Variants in STAM2 observed in about 807,000 individuals in gnomAD.
STAM2 encodes the protein signal transducing adaptor molecule 2, also known as signal transducing adapter molecule 2.
Under a neutral mutation model 65.6 loss-of-function variants are expected in STAM2, and 51 were observed. The ratio of observed to expected loss-of-function variants is 0.78; its 90% CI spans 0.62 to 0.98. The LOEUF (loss-of-function observed/expected upper bound fraction) is 0.98, where lower values mean the gene tolerates loss of function less well. Ranked by LOEUF, STAM2 falls within the 50% of genes least tolerant of loss-of-function variation. STAM2 has a pLI of 0.00. For synonymous variants in STAM2, 198 were observed against 208.4 expected, an observed-to-expected ratio of 0.95 and a Z score of 0.43; for missense variants, 584 against 617.8, an observed-to-expected ratio of 0.95 and a Z score of 0.58.
chr2:152,143,259 A>G (rs1225442477), intron 7 of STAM2, among the ~76,000 whole-genome samples: 3 of 152,238 alleles, frequency 2.0e-5, no homozygotes, highest in Non-Finnish European at 1.5e-5. Flanking sequence ...TACCAAATAC[A>G]TCTGCAATCT....
chr2:152,133,167 A>G lies in STAM2; in HGVS notation c.970+6T>C, dbSNP rs757609577. Reference sequence around the variant, plus strand: ...ATTAAAATAATATAAAATATTCACTAAGTACCTTCTAAATCCAAAAGGTCT... The same window carrying G: ...ATTAAAATAATATAAAATATTCACTGAGTACCTTCTAAATCCAAAAGGTCT... On this transcript the variant is annotated splice_donor_region_variant and intron_variant, in intron 10 of 13. Transcript: ENST00000263904. 2 of 1,444,608 alleles carry G rather than the reference A, an allele frequency of 1.4e-6. No individual in the cohort carries two copies. Among genetic ancestry groups the G allele is most frequent in the Admixed American group, 4.6e-5 (2 of 43,524 alleles). The allele number at this position is 1,444,608 out of a possible 1,614,324, so 89.5% of individuals were successfully genotyped here. A position where few individuals can be genotyped will look rare whatever the true frequency, so the allele number is the denominator to read the frequency against.
intron 1 of STAM2, among the ~76,000 whole-genome samples, chr2:152,170,104 T>G (rs1351878966): frequency 6.6e-6 from 1 of 150,938 alleles, no homozygotes; most frequent in Non-Finnish European, 1.5e-5. Flanking sequence ...CCCAAAGTGC[T>G]GGGATTACAG....
intron 7 of STAM2, among the ~76,000 whole-genome samples, chr2:152,142,765 A>T (rs1689271309): frequency 6.6e-6 from 1 of 152,330 alleles, no homozygotes; most frequent in African/African-American, 2.4e-5. Flanking sequence ...TTCCACTCCA[A>T]ATGATTATTT....
chr2:152,130,692 TAA>T (rs986121047), intron 11 of STAM2, among the ~76,000 whole-genome samples: 3 of 141,090 alleles, frequency 2.1e-5, no homozygotes, highest in Non-Finnish European at 3.1e-5. Context: ...ACCCTGTCTT[TAA>T]AAAAAAAAAA....
rs1250755529 is a variant in STAM2 at position 152,161,814 on chromosome 2, T to C, written c.41-11585A>G. On this transcript the variant is annotated intron_variant, in intron 1 of 13. Coordinates refer to ENST00000263904, the MANE Select transcript of STAM2 (RefSeq NM_005843.6). ...ATAGTTCTTAAAAATACATTCTGCA[T>C]ACCATTTTTTTTTCTTTTTTTTTTG... Among the ~76,000 whole-genome samples, 3 of 152,258 alleles carry C rather than the reference T, an allele frequency of 2.0e-5. No homozygotes were observed. The East Asian group carries it at 5.8e-4, about 29-fold the overall frequency.
intron 1 of STAM2, among the ~76,000 whole-genome samples, chr2:152,150,775 C>T (rs550741760): frequency 6.6e-6 from 1 of 152,328 alleles, no homozygotes; most frequent in South Asian, 2.1e-4. Flanking sequence ...TACCGCACTC[C>T]AGCCTGGATG....
At chr2:152,122,612 A>G (rs1024958352) in intron 13 of STAM2, among the ~76,000 whole-genome samples, 1 of 152,146 alleles carries the variant, frequency 6.6e-6, no homozygotes, top group Non-Finnish European at 1.5e-5. Flanking sequence ...ATATTCATAT[A>G]ATATCTAAAA....
rs377199033 is a variant in STAM2 at position 152,118,170 on chromosome 2, T to C, written c.*2404A>G. On this transcript the variant is annotated 3_prime_UTR_variant, in exon 14 of 14. Coordinates refer to ENST00000263904, the MANE Select transcript of STAM2 (RefSeq NM_005843.6). ...TATAAAACAGTAAGTATGAACCCAA[T>C]GTAGAAATCTGAAGTTAGACAATTC... is the stretch of plus-strand genomic sequence containing the variant. The C allele has an allele frequency of 3.9e-5, 6 of 152,062 alleles. No individual in the cohort carries two copies. The South Asian group carries it at 6.2e-4, about 16-fold the overall frequency. The allele number at this position is 152,062 out of a possible 1,614,324, so 9.4% of individuals were successfully genotyped here.
chr2:152,130,226 TCA>T (rs1560211284), intron 11 of STAM2, among the ~76,000 whole-genome samples: 1 of 152,054 alleles, frequency 6.6e-6, no homozygotes, highest in East Asian at 1.9e-4. Flanking sequence ...TCTACCCCCT[TCA>T]GTGTTGCTCC....
intron 1 of STAM2, among the ~76,000 whole-genome samples, chr2:152,150,599 G>A (rs1689425668): frequency 6.6e-6 from 1 of 152,120 alleles, no homozygotes; most frequent in Non-Finnish European, 1.5e-5. Context: ...CCAGGAGTTC[G>A]AGACCAGCCT....
intron 1 of STAM2, among the ~76,000 whole-genome samples, 159 bp downstream of exon 1, chr2:152,175,444 C>A (rs1689997093): frequency 1.3e-5 from 2 of 152,192 alleles, no homozygotes; most frequent in African/African-American, 4.8e-5. Flanking sequence ...CGAGGTTGCC[C>A]CAGAAAAATC....
rs555491553 is a variant in STAM2 at position 152,166,506 on chromosome 2, C to T, written c.40+9097G>A. Among the ~76,000 whole-genome samples the T allele has an allele frequency of 3.3e-5, 5 of 152,258 alleles. 1 individual carries two copies. Among genetic ancestry groups the T allele is most frequent in the African/African-American group, 9.6e-5 (4 of 41,552 alleles). ...ACATATATACACAGCCTATTCTTAACACCTATAAGCAGGTGGCCACTTCAG... is the reference window on the plus strand; with the variant it reads ...ACATATATACACAGCCTATTCTTAATACCTATAAGCAGGTGGCCACTTCAG... On this transcript the variant is annotated intron_variant, in intron 1 of 13. Transcript: ENST00000263904.
At chr2:152,162,525 G>A (rs1214336311) in intron 1 of STAM2, among the ~76,000 whole-genome samples, 1 of 152,172 alleles carries the variant, frequency 6.6e-6, no homozygotes, top group Non-Finnish European at 1.5e-5. Context: ...GTTACAGTGA[G>A]CTATGATTGT....
chr2:152,146,887 G>A (rs1182894035), intron 5 of STAM2, among the ~76,000 whole-genome samples: 1 of 152,032 alleles, frequency 6.6e-6, no homozygotes. Context: ...GAATATAAGG[G>A]GTATGTCATA....
Position 152,175,752 on chromosome 2 carries a change from G to A in STAM2, c.-110C>T. ...CCTAGACCGCTCCGCTTCGGCCTCC[G>A]TCCCTGCACTTCCGCCACCGCACCT... On this transcript the variant is annotated 5_prime_UTR_variant, in exon 1 of 14. The change creates a new upstream start codon in the 5' untranslated region. Coordinates refer to ENST00000263904, the MANE Select transcript of STAM2 (RefSeq NM_005843.6). The A allele has an allele frequency of 8.3e-7, 1 of 1,199,754 alleles. No individual in the cohort carries two copies. Among genetic ancestry groups the A allele is most frequent in the Non-Finnish European group, 1.2e-6 (1 of 838,704 alleles). The allele number at this position is 1,199,754 out of a possible 1,614,324, so 74.3% of individuals were successfully genotyped here. A position where few individuals can be genotyped will look rare whatever the true frequency, so the allele number is the denominator to read the frequency against.
chr2:152,143,914 T>C lies in STAM2; in HGVS notation c.617A>G (p.Lys206Arg). 7 of 1,613,850 alleles carry C rather than the reference T, an allele frequency of 4.3e-6. No homozygotes were observed. Among genetic ancestry groups the C allele is most frequent in the Non-Finnish European group, 5.9e-6 (7 of 1,179,862 alleles). ...TTCAAAATCATATAAAGCTCTCACT[T>C]TCCGTGCAACCTTATTATTTAACTG... ...EIQLNNKVAR[K>R]VRALYDFEAV... is the part of the protein sequence containing the mutation. Residue 206 changes from lysine (K) to arginine (R), a missense_variant, in exon 7 of 14, where the codon AAA becomes AGA. Transcript: ENST00000263904.
At chr2:152,126,894 C>T (rs1007006777) in intron 11 of STAM2, among the ~76,000 whole-genome samples, 1 of 152,170 alleles carries the variant, frequency 6.6e-6, no homozygotes, top group Non-Finnish European at 1.5e-5. Flanking sequence ...TTTGTAACTT[C>T]ACCCTAGCCT....
chr2:152,144,988 T>C, intron 5 of STAM2, 31 bp from the exon 6 acceptor site: 1 of 1,539,956 alleles, frequency 6.5e-7, no homozygotes, highest in Non-Finnish European at 9.0e-7. Flanking sequence ...TGAACACAAC[T>C]ATCTTTTCAA....
At chr2:152,138,267 C>A (rs576493855) in intron 7 of STAM2, among the ~76,000 whole-genome samples, 3 of 151,988 alleles carry the variant, frequency 2.0e-5, no homozygotes, top group Non-Finnish European at 4.4e-5. Flanking sequence ...TCTTTTATAG[C>A]TTTCAAATAA....
Sources: gnomAD v4.1 joint callset for allele counts (sites outside exome capture counted in the v4.1 genomes callset) on GRCh38, gnomAD v4.1.1 for gene constraint, MANE v1.5 for transcripts, NCBI Gene and HGNC (gene_info 2026-07-23, HGNC 2026-07-21) for gene names.